CYP2C18: variants seen among roughly 807,000 people sequenced by gnomAD.
The protein encoded by CYP2C18 is cytochrome P450 family 2 subfamily C member 18.
Under a neutral mutation model 41.3 loss-of-function variants are expected in CYP2C18, and 38 were observed. The observed-to-expected ratio is 0.92, with a 90% CI of 0.71 to 1.21. The LOEUF (loss-of-function observed/expected upper bound fraction) is 1.21. CYP2C18 is among the 50% of genes most tolerant of loss of function. The pLI, the probability that CYP2C18 is intolerant of heterozygous loss-of-function variation, is 0.00. For missense variants in CYP2C18, 635 were observed against 591.4 expected (o/e 1.07, Z -0.77); for synonymous variants, 236 against 210.0 (o/e 1.12, Z -1.07).
chr10:94,696,504 G>A (rs981158931), intron 4 of CYP2C18, among the ~76,000 whole-genome samples: 5 of 151,974 alleles, frequency 3.3e-5, no homozygotes, highest in African/African-American at 1.2e-4. Context: ...AAAGACCAAA[G>A]GTAGATAAAA....
intron 3 of CYP2C18, 75 bp from the exon 4 acceptor site, chr10:94,694,842 C>A (rs1847082686): frequency 2.0e-6 from 3 of 1,499,732 alleles, no homozygotes; most frequent in South Asian, 2.5e-5. Context: ...TCTAAAAATA[C>A]TTTTTCCTGT....
At chr10:94,723,952 T>C (rs1358171111) in intron 6 of CYP2C18, among the ~76,000 whole-genome samples, 2 of 152,124 alleles carry the variant, frequency 1.3e-5, no homozygotes, top group Non-Finnish European at 2.9e-5. Flanking sequence ...CATCCATACA[T>C]ATAGATCTGT....
Position 94,706,826 on chromosome 10 carries a change from A to G in CYP2C18, c.685A>G (p.Ser229Gly). The G allele has an allele frequency of 2.5e-6, 4 of 1,605,524 alleles. No individual in the cohort carries two copies. The highest frequency in any genetic ancestry group is 3.4e-6 in the Non-Finnish European group (4 of 1,173,318). The change falls in exon 5 of 9, where the codon AGT (serine) becomes GGT (glycine). Residue 229 changes from serine to glycine, a missense_variant. Transcript: ENST00000285979. ...TGCTCTCATCGATTATCTCCCAGGAAGTCATAATAAAATAGCTGAAAATTT... is the reference window on the plus strand; with the variant it reads ...TGCTCTCATCGATTATCTCCCAGGAGGTCATAATAAAATAGCTGAAAATTT... ...FPALIDYLPG[S>G]HNKIAENFAY...
At chr10:94,715,781 G>T (rs905675634) in intron 5 of CYP2C18, among the ~76,000 whole-genome samples, 3 of 151,966 alleles carry the variant, frequency 2.0e-5, no homozygotes, top group Admixed American at 6.6e-5. Flanking sequence ...TTGTACCTCT[G>T]GTAGAATTTG....
chr10:94,716,882 A>G (rs1010447802), intron 5 of CYP2C18, among the ~76,000 whole-genome samples: 3 of 152,178 alleles, frequency 2.0e-5, no homozygotes, highest in Non-Finnish European at 2.9e-5. Context: ...GGGTGCATAT[A>G]TATTTAGGAT....
intron 7 of CYP2C18, among the ~76,000 whole-genome samples, chr10:94,726,263 T>C (rs187927706): frequency 3.9e-5 from 6 of 152,196 alleles, no homozygotes; most frequent in Admixed American, 3.9e-4. Context: ...TTTTGTTACA[T>C]AGGTATACAC....
chr10:94,705,248 A>G (rs1166574758), intron 4 of CYP2C18, among the ~76,000 whole-genome samples: 1 of 152,192 alleles, frequency 6.6e-6, no homozygotes, highest in Admixed American at 6.5e-5. Context: ...ATCATCAGCA[A>G]ACTAATGCAG....
rs542675546 is a variant in CYP2C18 at position 94,706,850 on chromosome 10, T to G, written c.709T>G (p.Phe237Val). The change falls in exon 5 of 9, where the codon TTT becomes GTT. Residue 237 changes from phenylalanine (F) to valine (V), a missense_variant. Transcript: ENST00000285979. ...PGSHNKIAEN[F>V]AYIKSYVLER... The stretch of plus-strand genomic sequence containing the variant: ...AAGTCATAATAAAATAGCTGAAAAT[T>G]TTGCTTACATTAAAAGTTATGTATT... 1 of 1,609,398 alleles carries G rather than the reference T, an allele frequency of 6.2e-7. No individual in the cohort carries two copies. The highest frequency in any genetic ancestry group is 1.1e-5 in the South Asian group (1 of 90,922).
At chr10:94,707,082 T>C (rs778379518) in intron 5 of CYP2C18, 122 bp downstream of exon 5, 2 of 636,526 alleles carry the variant, frequency 3.1e-6, no homozygotes, top group Non-Finnish European at 5.2e-6. Flanking sequence ...TGTATAGATC[T>C]GGATGAAGCA....
rs1256996621 is a variant in CYP2C18, at chr10:94,706,820, C to A, written c.679C>A (p.Pro227Thr). ...TTTCCCTGCTCTCATCGATTATCTC[C>A]CAGGAAGTCATAATAAAATAGCTGA... ...NNFPALIDYL[P>T]GSHNKIAENF... The change falls in exon 5 of 9, where the codon CCA (proline) becomes ACA (threonine). Residue 227 changes from proline (P) to threonine (T), a missense_variant. By Grantham distance (38) the Pro-to-Thr change is conservative (BLOSUM62 -1). Coordinates refer to ENST00000285979, the MANE Select transcript of CYP2C18 (RefSeq NM_000772.3). 1.9e-6 allele frequency: 3 copies of A among 1,603,598 alleles called. No homozygotes were observed. Among genetic ancestry groups the A allele is most frequent in the Non-Finnish European group, 2.6e-6 (3 of 1,172,212 alleles).
chr10:94,725,827 A>G (rs1326832), intron 7 of CYP2C18, among the ~76,000 whole-genome samples: 26,913 of 152,036 alleles, frequency 0.18, 2,628 homozygotes, highest in South Asian at 0.33. Context: ...GATTTTCAGG[A>G]TGTTTGAACT....
At chr10:94,707,021 T>A in intron 5 of CYP2C18, 61 bp downstream of exon 5, 1 of 1,460,106 alleles carries the variant, frequency 6.8e-7, no homozygotes, top group Non-Finnish European at 9.4e-7. Flanking sequence ...TAACGATTGC[T>A]TAAATAGTGA....
At chr10:94,724,744 T>C (rs1179578182) in intron 7 of CYP2C18, among the ~76,000 whole-genome samples, 1 of 150,394 alleles carries the variant, frequency 6.6e-6, no homozygotes, top group African/African-American at 2.4e-5. Flanking sequence ...CCAAATTTGT[T>C]CTGCTTCTTT....
chr10:94,720,512 C>T lies in CYP2C18; in HGVS notation c.936C>T (p.Leu312=). 2.5e-6 allele frequency: 4 copies of T among 1,613,270 alleles called. No homozygotes were observed. The highest frequency in any genetic ancestry group is 2.5e-6 in the Non-Finnish European group (3 of 1,179,516). Residue 312 remains leucine (L), a synonymous_variant, in exon 6 of 9, where the codon CTC becomes CTT. Coordinates refer to ENST00000285979, the MANE Select transcript of CYP2C18 (RefSeq NM_000772.3). ...TSTTLRYGLL[L]LLKYPEVTAK... ...CCACTCTGAGATATGGACTCCTGCTCCTGCTGAAGTACCCAGAGGTCACAG... is the reference window on the plus strand; with the variant it reads ...CCACTCTGAGATATGGACTCCTGCTTCTGCTGAAGTACCCAGAGGTCACAG...
chr10:94,687,196 CT>C (rs908954852), intron 1 of CYP2C18, among the ~76,000 whole-genome samples: 1 of 152,188 alleles, frequency 6.6e-6, no homozygotes, highest in Non-Finnish European at 1.5e-5. Flanking sequence ...CACTCTCCTT[CT>C]GTGGTGATTA....
At chr10:94,733,149 T>C in intron 7 of CYP2C18, 148 bp from the exon 8 acceptor site, 1 of 708,604 alleles carries the variant, frequency 1.4e-6, no homozygotes, top group Non-Finnish European at 2.3e-6. Context: ...TACTGCTTCT[T>C]ACTAGGTCTG....
At chr10:94,701,565 A>C (rs1380942853) in intron 4 of CYP2C18, among the ~76,000 whole-genome samples, 1 of 152,196 alleles carries the variant, frequency 6.6e-6, no homozygotes, top group Non-Finnish European at 1.5e-5. Context: ...ACATGTATAC[A>C]TATGTAACAA....
chr10:94,713,733 C>T (rs1847488229), intron 5 of CYP2C18, among the ~76,000 whole-genome samples: 1 of 152,180 alleles, frequency 6.6e-6, no homozygotes, highest in Non-Finnish European at 1.5e-5. Flanking sequence ...ATTTCTAGTT[C>T]TAGATCCTTG....
At chr10:94,733,073 C>G (rs1319664189) in intron 7 of CYP2C18, among the ~76,000 whole-genome samples, 1 of 152,076 alleles carries the variant, frequency 6.6e-6, no homozygotes, top group South Asian at 2.1e-4. Flanking sequence ...CTCAAATGCT[C>G]AGGACTTCAA....
Sources: gnomAD v4.1 joint callset for allele counts (sites outside exome capture counted in the v4.1 genomes callset) on GRCh38, gnomAD v4.1.1 for gene constraint, MANE v1.5 for transcripts, NCBI Gene and HGNC (gene_info 2026-07-23, HGNC 2026-07-21) for gene names.